Variants in CA10 observed in about 807,000 individuals in gnomAD.
CA10 encodes the protein carbonic anhydrase 10 (inactive), also known as carbonic anhydrase-related protein 10.
Under a neutral mutation model 44.2 loss-of-function variants are expected in CA10, and 14 were observed. The observed-to-expected ratio is 0.32, with a 90% CI of 0.21 to 0.50. The LOEUF is 0.50. Ranked by LOEUF, CA10 falls within the 20% of genes least tolerant of loss-of-function variation. The pLI is 0.99. For synonymous variants in CA10, 159 were observed against 141.6 expected (o/e 1.12, Z -0.87); for missense variants, 350 against 409.7 (o/e 0.85, Z 1.26).
chr17:51,822,143 G>A lies in CA10; in HGVS notation c.280-74325C>T, dbSNP rs75641047. On this transcript the variant is annotated intron_variant, in intron 3 of 8. Coordinates refer to ENST00000451037, the MANE Select transcript of CA10 (RefSeq NM_020178.5). ...TCTCATATTAAAAACCCCATCCTTG[G>A]CCAGGTGTGGTGGCTCACACCTGTA... 2.6e-3 allele frequency among the ~76,000 whole-genome samples: 401 copies of A among 152,126 alleles called. 1 individual carries two copies. The highest frequency in any genetic ancestry group is 9.1e-3 in the African/African-American group (376 of 41,500).
At chr17:52,038,564 G>A (rs1986681765) in intron 2 of CA10, among the ~76,000 whole-genome samples, 1 of 152,022 alleles carries the variant, frequency 6.6e-6, no homozygotes, top group Non-Finnish European at 1.5e-5. Context: ...TCTAGTAAAT[G>A]GCATCTGTAC....
intron 3 of CA10, among the ~76,000 whole-genome samples, chr17:51,811,559 G>A (rs201641429): frequency 6.6e-6 from 1 of 152,156 alleles, no homozygotes; most frequent in African/African-American, 2.4e-5. Flanking sequence ...CCTTGTGATA[G>A]CTTGCTGAGA....
At chr17:51,824,976 C>T (rs1907952263) in intron 3 of CA10, among the ~76,000 whole-genome samples, 1 of 152,194 alleles carries the variant, frequency 6.6e-6, no homozygotes, top group Admixed American at 6.5e-5. Flanking sequence ...GTCTATACTG[C>T]CTGCTGTTTA....
At chr17:51,707,915 G>A (rs1915812452) in intron 4 of CA10, among the ~76,000 whole-genome samples, 1 of 152,170 alleles carries the variant, frequency 6.6e-6, no homozygotes, top group Non-Finnish European at 1.5e-5. Flanking sequence ...GTTGGTCAAA[G>A]GATGAGCTGC....
Position 52,158,109 on chromosome 17 carries a change from C to T in CA10, c.-323G>A. 2.2e-6 allele frequency: 1 copy of T among 462,662 alleles called. No individual in the cohort carries two copies. 28.7% of individuals were successfully genotyped at this position (462,662 alleles called of 1,614,324 possible). Reference sequence around the variant, plus strand: ...GCGGAAACCGCACTAGCAGCGGCGGCGGCGGCGGCGGCGGCAGCAGCCACC... The same window carrying T: ...GCGGAAACCGCACTAGCAGCGGCGGTGGCGGCGGCGGCGGCAGCAGCCACC... On this transcript the variant is annotated 5_prime_UTR_variant, in exon 1 of 9. Coordinates refer to ENST00000451037, the MANE Select transcript of CA10 (RefSeq NM_020178.5).
chr17:51,733,707 C>A (rs1251893140), intron 4 of CA10, among the ~76,000 whole-genome samples: 1 of 152,106 alleles, frequency 6.6e-6, no homozygotes, highest in Non-Finnish European at 1.5e-5. Flanking sequence ...AGGCTAAATG[C>A]CGACACCAAT....
At chr17:52,022,480 A>C (rs1986173253) in intron 2 of CA10, among the ~76,000 whole-genome samples, 1 of 152,074 alleles carries the variant, frequency 6.6e-6, no homozygotes, top group Non-Finnish European at 1.5e-5. Flanking sequence ...ATCTGTGACA[A>C]ACCCACAGCC....
At chr17:51,932,491 T>C (rs563312079) in intron 2 of CA10, among the ~76,000 whole-genome samples, 1 of 152,248 alleles carries the variant, frequency 6.6e-6, no homozygotes, top group East Asian at 1.9e-4. Flanking sequence ...GAACTAAAAA[T>C]AAGTTCCTTG....
At chr17:51,898,874 A>G (rs1208850574) in intron 3 of CA10, among the ~76,000 whole-genome samples, 10 of 150,876 alleles carry the variant, frequency 6.6e-5, no homozygotes, top group African/African-American at 2.4e-4. Context: ...TTTTTTTAAT[A>G]TTTCTGTGGG....
intron 5 of CA10, among the ~76,000 whole-genome samples, chr17:51,652,124 T>C (rs1913594737): frequency 6.6e-6 from 1 of 152,218 alleles, no homozygotes; most frequent in Non-Finnish European, 1.5e-5. Flanking sequence ...AGCCATTCTT[T>C]CATGAGTATT....
chr17:51,935,057 G>A (rs1160232515), intron 2 of CA10, among the ~76,000 whole-genome samples: 1 of 152,078 alleles, frequency 6.6e-6, no homozygotes. Flanking sequence ...TGAGAAACTT[G>A]CCCTGTGGGT....
At chr17:51,776,966 A>C (rs2143667944) in intron 3 of CA10, among the ~76,000 whole-genome samples, 1 of 152,316 alleles carries the variant, frequency 6.6e-6, no homozygotes, top group South Asian at 2.1e-4. Context: ...AGGAAGCCAG[A>C]GGCAGTTGGT....
chr17:51,786,142 TG>T (rs1439050827), intron 3 of CA10, among the ~76,000 whole-genome samples: 9 of 152,332 alleles, frequency 5.9e-5, no homozygotes, highest in African/African-American at 1.7e-4. Context: ...GAAATGCTAC[TG>T]ATTTTTGTAT....
intron 1 of CA10, among the ~76,000 whole-genome samples, chr17:52,101,427 C>T (rs1988537237): frequency 6.6e-6 from 1 of 152,138 alleles, no homozygotes. Flanking sequence ...TAAAATCAGC[C>T]AAACAAATTC....
intron 1 of CA10, among the ~76,000 whole-genome samples, chr17:52,115,180 G>A (rs560305409): frequency 2.7e-4 from 41 of 152,332 alleles, no homozygotes; most frequent in African/African-American, 8.7e-4. Flanking sequence ...TTCAATCTGC[G>A]AGGTGGGAGC....
chr17:51,681,257 G>T (rs1363903003), intron 4 of CA10, among the ~76,000 whole-genome samples: 1 of 152,212 alleles, frequency 6.6e-6, no homozygotes, highest in Non-Finnish European at 1.5e-5. Context: ...CCGTGGGGCA[G>T]GCTTAGCACA....
intron 2 of CA10, among the ~76,000 whole-genome samples, chr17:51,991,151 A>T (rs1226723339): frequency 6.6e-6 from 1 of 152,124 alleles, no homozygotes. Context: ...TTCTGACAGC[A>T]ATGAGAAAAA....
At chr17:52,087,445 T>C (rs934423714) in intron 1 of CA10, among the ~76,000 whole-genome samples, 1 of 152,290 alleles carries the variant, frequency 6.6e-6, no homozygotes, top group South Asian at 2.1e-4. Flanking sequence ...CCTGGCCCCT[T>C]TCCTTGTATT....
At chr17:51,899,302 G>T (rs947845085) in intron 3 of CA10, among the ~76,000 whole-genome samples, 2 of 151,898 alleles carry the variant, frequency 1.3e-5, no homozygotes, top group African/African-American at 2.4e-5. Context: ...CCTTGATTTT[G>T]TTGTTTAACA....
Sources: allele counts gnomAD v4.1 joint callset (sites outside exome capture counted in the v4.1 genomes callset), GRCh38; gene constraint gnomAD v4.1.1; transcripts MANE v1.5; gene names NCBI Gene and HGNC (gene_info 2026-07-23, HGNC 2026-07-21).